The following MAP2K5 variants were observed in gnomAD, a reference collection of about 807,000 sequenced individuals.
MAP2K5 encodes mitogen-activated protein kinase kinase 5.
Under a neutral mutation model 83.1 loss-of-function variants are expected in MAP2K5, and 49 were observed. The ratio of observed to expected loss-of-function variants is 0.59; its 90% CI spans 0.47 to 0.75. The LOEUF (loss-of-function observed/expected upper bound fraction) is 0.75, where lower values mean the gene tolerates loss of function less well. MAP2K5 is among the 30% of genes least tolerant of loss of function. The pLI is 0.00. For missense variants in MAP2K5, 457 were observed against 557.5 expected, an observed-to-expected ratio of 0.82 and a Z score of 1.82; for synonymous variants, 202 against 191.8, an observed-to-expected ratio of 1.05 and a Z score of -0.44.
rs1408760644 is a variant in MAP2K5 at position 67,543,343 on chromosome 15, G to A, written c.8G>A (p.Trp3Ter). 1.1e-5 allele frequency: 17 copies of A among 1,614,070 alleles called. No homozygotes were observed. Among genetic ancestry groups the A allele is most frequent in the Admixed American group, 1.7e-5 (1 of 60,010 alleles). The part of the protein sequence containing the change: ML[W>*]LALGPFPAME... ...GAGCCTCTTTAACCTGTAATGCTGT[G>A]GCTAGCCCTTGGCCCCTTTCCTGCC... Residue 3 changes from tryptophan (W) to a stop codon, truncating the protein, a stop_gained, in exon 1 of 22, where the codon TGG becomes TAG. Transcript: ENST00000178640. LOFTEE classifies it high-confidence loss of function. The surrounding 1 kb of genome is among the most constrained non-coding windows in gnomAD (Gnocchi z 4.3).
intron 9 of MAP2K5, among the ~76,000 whole-genome samples, chr15:67,632,953 T>C (rs2086508891): frequency 6.6e-6 from 1 of 152,190 alleles, no homozygotes; most frequent in South Asian, 2.1e-4. Context: ...CAACAGAGCT[T>C]CCTTTGAGAT....
intron 3 of MAP2K5, among the ~76,000 whole-genome samples, chr15:67,579,494 A>G (rs2085132818): frequency 6.6e-6 from 1 of 152,188 alleles, no homozygotes; most frequent in South Asian, 2.1e-4. Context: ...CCGTATGTAT[A>G]TAAGTTTTTA....
At chr15:67,655,777 G>T in intron 11 of MAP2K5, among the ~76,000 whole-genome samples, 1 of 151,912 alleles carries the variant, frequency 6.6e-6, no homozygotes, top group African/African-American at 2.4e-5. Flanking sequence ...AGGAAGTTTG[G>T]GGTCATTGTT....
At chr15:67,629,511 G>A in intron 8 of MAP2K5, among the ~76,000 whole-genome samples, 1 of 152,038 alleles carries the variant, frequency 6.6e-6, no homozygotes, top group East Asian at 1.9e-4. Context: ...CTGCTAAACA[G>A]CAGAAAATGA....
At chr15:67,625,487 A>G (rs2141075943) in intron 8 of MAP2K5, among the ~76,000 whole-genome samples, 1 of 152,370 alleles carries the variant, frequency 6.6e-6, no homozygotes, top group East Asian at 1.9e-4. Flanking sequence ...TAATTAAAAC[A>G]TTGCAGAGGT....
At chr15:67,678,102 G>A (rs985133705) in intron 13 of MAP2K5, among the ~76,000 whole-genome samples, 1 of 152,206 alleles carries the variant, frequency 6.6e-6, no homozygotes, top group Non-Finnish European at 1.5e-5. Flanking sequence ...AATGCAGAAC[G>A]TCAGCATAGT....
intron 16 of MAP2K5, among the ~76,000 whole-genome samples, chr15:67,718,837 A>G (rs540919514): frequency 2.6e-5 from 4 of 152,336 alleles, no homozygotes; most frequent in South Asian, 2.1e-4. Context: ...ATACAGGCAT[A>G]CAATGTGTAA....
chr15:67,705,573 A>G (rs1314362356), intron 16 of MAP2K5, among the ~76,000 whole-genome samples: 3 of 152,142 alleles, frequency 2.0e-5, no homozygotes, highest in Non-Finnish European at 4.4e-5. Context: ...TGTCTCAACT[A>G]AAAATACAAA....
chr15:67,633,059 G>A (rs2141092916), intron 9 of MAP2K5, among the ~76,000 whole-genome samples: 1 of 152,306 alleles, frequency 6.6e-6, no homozygotes, highest in African/African-American at 2.4e-5. Flanking sequence ...ATTTTACAGA[G>A]GCACTGAGCT....
chr15:67,615,795 G>A lies in MAP2K5; in HGVS notation c.545+15046G>A, dbSNP rs138712000. 3.9e-3 allele frequency among the ~76,000 whole-genome samples: 586 copies of A among 152,096 alleles called. 5 individuals carry two copies. Among genetic ancestry groups the A allele is most frequent in the Middle Eastern group, 0.014 (4 of 294 alleles). On this transcript the variant is annotated intron_variant, in intron 8 of 21. Coordinates refer to ENST00000178640, the MANE Select transcript of MAP2K5 (RefSeq NM_145160.3). Reference sequence around the variant, plus strand: ...TTGCATTAAAAGGTGACATCTAGAGGGTTTTAAAATTAATCTCGCAAGGTA... The same window carrying A: ...TTGCATTAAAAGGTGACATCTAGAGAGTTTTAAAATTAATCTCGCAAGGTA...
In MAP2K5 at chr15:67,738,805, G is replaced by T. The variant is rs930839018; in HGVS notation, c.1075-9426G>T. Among the ~76,000 whole-genome samples the T allele has an allele frequency of 3.3e-5, 5 of 152,258 alleles. No homozygotes were observed. Among genetic ancestry groups the T allele is most frequent in the African/African-American group, 9.6e-5 (4 of 41,546 alleles). On this transcript the variant is annotated intron_variant, in intron 17 of 21. Transcript: ENST00000178640. The surrounding 1 kb of genome is among the most constrained non-coding windows in gnomAD (Gnocchi z 4.1). ...ATTTCGTAAACAGAGTCTGAAAAAT[G>T]CTGGACAGGATATTTCTATGGTCTG...
chr15:67,748,658 G>A lies in MAP2K5; in HGVS notation c.1134+57G>A. On this transcript the variant is annotated intron_variant, in intron 19 of 21. Transcript: ENST00000178640. The surrounding 1 kb of genome is among the most constrained non-coding windows in gnomAD (Gnocchi z 4.0). ...AAAGTCATTCCTAATGGTGTGGAAA[G>A]CTTATATTTTGTTTCCTAATGAAGC... 1 of 1,552,848 alleles carries A rather than the reference G, an allele frequency of 6.4e-7. No individual in the cohort carries two copies. Among genetic ancestry groups the A allele is most frequent in the Admixed American group, 1.7e-5 (1 of 58,052 alleles).
chr15:67,641,364 A>G (rs2086706976), intron 9 of MAP2K5: 2 of 362,742 alleles, frequency 5.5e-6, no homozygotes, highest in South Asian at 2.3e-4. Flanking sequence ...AAAGACAATT[A>G]TGTCGCCATA....
chr15:67,675,404 A>G (rs553292248), intron 13 of MAP2K5, among the ~76,000 whole-genome samples: 3 of 152,320 alleles, frequency 2.0e-5, no homozygotes, highest in African/African-American at 7.2e-5. Context: ...AATTATAGAA[A>G]TGGAGAGAGC....
At chr15:67,714,973 C>G (rs1247095719) in intron 16 of MAP2K5, among the ~76,000 whole-genome samples, 1 of 152,152 alleles carries the variant, frequency 6.6e-6, no homozygotes, top group Non-Finnish European at 1.5e-5. Flanking sequence ...AAACATTTTA[C>G]CTGTTGACCA....
In MAP2K5 at chr15:67,727,945, G is replaced by A; in HGVS notation, c.1074G>A (p.Gln358=). Residue 358 remains glutamine (Q), a splice_region_variant and synonymous_variant, in exon 17 of 22, where the codon CAG becomes CAA. Coordinates refer to ENST00000178640, the MANE Select transcript of MAP2K5 (RefSeq NM_145160.3). ...ELALGRFPYP[Q]IQKNQGSLMP... Reference sequence around the variant, plus strand: ...CTCTTGGGAGGTTTCCATATCCTCAGGTAAGATTGTTCATTACTGCTGTTT... The same window carrying A: ...CTCTTGGGAGGTTTCCATATCCTCAAGTAAGATTGTTCATTACTGCTGTTT... 6.2e-7 allele frequency: 1 copy of A among 1,611,606 alleles called. No individual in the cohort carries two copies. The highest frequency in any genetic ancestry group is 1.1e-5 in the South Asian group (1 of 91,050).
chr15:67,651,368 T>C (rs930498182), intron 11 of MAP2K5, among the ~76,000 whole-genome samples: 6 of 152,366 alleles, frequency 3.9e-5, no homozygotes, highest in Non-Finnish European at 8.8e-5. Context: ...TATCATTTCT[T>C]TGTGTTAGGA....
chr15:67,787,337 T>C (rs1183862990), intron 21 of MAP2K5, among the ~76,000 whole-genome samples: 1 of 152,260 alleles, frequency 6.6e-6, no homozygotes, highest in Non-Finnish European at 1.5e-5. Flanking sequence ...CTGCATCTTC[T>C]TTTCTGTGTC....
rs57236590 is a variant in MAP2K5 at position 67,774,209 on chromosome 15, A to C, written c.1242+1457A>C. ...TGTGTGTGTGTGTGTGTGTGAGAGA[A>C]CATAGGTATTTAGATATATCTCTTT... On this transcript the variant is annotated intron_variant, in intron 21 of 21. Transcript: ENST00000178640. The surrounding 1 kb of genome is among the most constrained non-coding windows in gnomAD (Gnocchi z 4.9). 0.084 allele frequency among the ~76,000 whole-genome samples: 12,614 copies of C among 150,762 alleles called. 702 individuals carry two copies. The highest frequency in any genetic ancestry group is 0.1 in the Admixed American group (1,582 of 15,190).
Sources: gnomAD v4.1 joint callset for allele counts (sites outside exome capture counted in the v4.1 genomes callset) on GRCh38, gnomAD v4.1.1 for gene constraint, Gnocchi (gnomAD v3.1) non-coding constraint, MANE v1.5 for transcripts, NCBI Gene and HGNC (gene_info 2026-07-23, HGNC 2026-07-21) for gene names.